The following TP63 variants were observed in gnomAD, a reference collection of about 807,000 sequenced individuals.
TP63 encodes the protein tumor protein 63.
TP63 carries 17 observed loss-of-function variants against 82.8 expected under a neutral mutation model. That is an observed-to-expected ratio of 0.21 (90% CI 0.14 to 0.31). The LOEUF is 0.31. Ranked by LOEUF, TP63 falls within the 10% of genes least tolerant of loss-of-function variation. The probability of loss-of-function intolerance (pLI) is 1.00; values close to 1 mark genes in which losing one functional copy is unlikely to be tolerated. For missense variants in TP63, 648 were observed against 895.3 expected (o/e 0.72, Z 3.52); for synonymous variants, 330 against 321.7 (o/e 1.03, Z -0.28).
the TP63 span, among the ~76,000 whole-genome samples, chr3:189,615,776 G>A: frequency 2.0e-5 from 3 of 152,226 alleles, no homozygotes; most frequent in Admixed American, 6.5e-5. Flanking sequence ...AGATGCCCAC[G>A]CTCCTAAGTC....
At chr3:189,707,117 TA>T (rs1409580322) in intron 1 of TP63, among the ~76,000 whole-genome samples, 8 of 152,262 alleles carry the variant, frequency 5.3e-5, no homozygotes, top group Non-Finnish European at 8.8e-5. Context: ...TGATCATTTT[TA>T]ATAGTACAGT....
At chr3:189,875,623 T>TAC (rs1202284713) in intron 10 of TP63, among the ~76,000 whole-genome samples, 2 of 107,834 alleles carry the variant, frequency 1.9e-5, no homozygotes, top group African/African-American at 3.3e-5. Context: ...TATATATATA[T>TAC]ATATATATAT....
At chr3:189,854,321 C>T (rs1716025854) in intron 4 of TP63, among the ~76,000 whole-genome samples, 1 of 152,188 alleles carries the variant, frequency 6.6e-6, no homozygotes, top group Admixed American at 6.5e-5. Flanking sequence ...ACCCCCGCCT[C>T]CTGAGTTCAA....
At chr3:189,782,012 T>C (rs1388864129) in intron 3 of TP63, among the ~76,000 whole-genome samples, 2 of 152,144 alleles carry the variant, frequency 1.3e-5, no homozygotes, top group African/African-American at 4.8e-5. Flanking sequence ...ACCTGAGGCA[T>C]GGGCAGGGGA....
chr3:189,677,396 G>GTA (rs1385963950), intron 1 of TP63, among the ~76,000 whole-genome samples: 1 of 51,920 alleles, frequency 1.9e-5, no homozygotes, highest in Non-Finnish European at 4.2e-5. Flanking sequence ...ATAAATATGT[G>GTA]TGTATATATA....
At chr3:189,795,036 A>G (rs1362426169) in intron 3 of TP63, among the ~76,000 whole-genome samples, 2 of 152,068 alleles carry the variant, frequency 1.3e-5, no homozygotes, top group East Asian at 1.9e-4. Context: ...TAGCATAATT[A>G]CTAATAGCAC....
chr3:189,603,790 A>G, the TP63 span, among the ~76,000 whole-genome samples: 1 of 151,860 alleles, frequency 6.6e-6, no homozygotes, highest in Non-Finnish European at 1.5e-5. Context: ...AGAAAAGTAT[A>G]TACATCCCTC....
intron 9 of TP63, among the ~76,000 whole-genome samples, chr3:189,872,426 C>CACACACAT (rs1417110888): frequency 6.6e-6 from 1 of 150,718 alleles, no homozygotes; most frequent in Non-Finnish European, 1.5e-5. Context: ...CACACACACA[C>CACACACAT]ACACACATAT....
At chr3:189,633,612 A>G (rs1157806553) in intron 1 of TP63, among the ~76,000 whole-genome samples, 1 of 152,008 alleles carries the variant, frequency 6.6e-6, no homozygotes, top group Non-Finnish European at 1.5e-5. Flanking sequence ...AAATTTTCCT[A>G]GAATGCCCTG....
chr3:189,669,616 T>C (rs1022060447), intron 1 of TP63, among the ~76,000 whole-genome samples: 3 of 151,902 alleles, frequency 2.0e-5, no homozygotes, highest in South Asian at 4.1e-4. Flanking sequence ...ACAAGGAAAA[T>C]AGAACTATAC....
intron 4 of TP63, among the ~76,000 whole-genome samples, chr3:189,810,182 G>A (rs1727376476): frequency 6.6e-6 from 1 of 152,110 alleles, no homozygotes; most frequent in African/African-American, 2.4e-5. Context: ...TAATTCTGGA[G>A]GCGATGGATA....
rs907065064 is a variant in TP63, at chr3:189,651,642, C to G, written c.62+20065C>G. Among the ~76,000 whole-genome samples the G allele has an allele frequency of 5.5e-5, 8 of 145,856 alleles. 2 individuals are homozygous for G. In the East Asian group the frequency reaches 1.9e-3, roughly 35 times the overall value. ...AGAAATTTGCATAAGTAACGAGGAGCCGAATGTTAATCACTGAAACAATGG... is the reference window on the plus strand; with the variant it reads ...AGAAATTTGCATAAGTAACGAGGAGGCGAATGTTAATCACTGAAACAATGG... On this transcript the variant is annotated intron_variant, in intron 1 of 13. Coordinates refer to ENST00000264731, the MANE Select transcript of TP63 (RefSeq NM_003722.5).
the TP63 span, among the ~76,000 whole-genome samples, chr3:189,621,833 G>T: frequency 2.6e-5 from 4 of 152,176 alleles, no homozygotes; most frequent in Non-Finnish European, 5.9e-5. Context: ...AACTGAAGAA[G>T]AATTCAGATG....
Position 189,896,029 on chromosome 3 carries a change from G to A in TP63, c.*1527G>A, listed in dbSNP as rs1721441000. ...GTTGCTTAAACCACTTAAACGAAGA[G>A]TTCCCTTGAAACTTTGGGAAAACAT... On this transcript the variant is annotated 3_prime_UTR_variant, in exon 14 of 14. Coordinates refer to ENST00000264731, the MANE Select transcript of TP63 (RefSeq NM_003722.5). 1 of 228,888 alleles carries A rather than the reference G, an allele frequency of 4.4e-6. No individual in the cohort carries two copies. 14.2% of individuals were successfully genotyped at this position (228,888 alleles called of 1,614,324 possible).
chr3:189,739,565 G>C (rs79659066), intron 3 of TP63, among the ~76,000 whole-genome samples: 13,770 of 152,144 alleles, frequency 0.091, 738 homozygotes, highest in East Asian at 0.22. Context: ...GAATAAGAGG[G>C]AGGAAAAAAA....
chr3:189,766,293 G>T (rs1322423523), intron 3 of TP63, among the ~76,000 whole-genome samples: 1 of 152,202 alleles, frequency 6.6e-6, no homozygotes, highest in Non-Finnish European at 1.5e-5. Context: ...CTGTAGCGTG[G>T]AATCTAAAGA....
upstream of TP63, among the ~76,000 whole-genome samples, chr3:189,628,051 C>G (rs563450722): frequency 5.9e-5 from 9 of 152,222 alleles, no homozygotes; most frequent in East Asian, 1.5e-3. Flanking sequence ...ATTAGAATAG[C>G]AAGCCTGCCC....
chr3:189,687,999 G>GA (rs5855270), intron 1 of TP63, among the ~76,000 whole-genome samples: 6,870 of 140,364 alleles, frequency 0.049, 192 homozygotes, highest in Non-Finnish European at 0.057. Context: ...TGATCTGAAA[G>GA]AAAAAAAAAA....
At chr3:189,631,271 A>T (rs1407986765), upstream of TP63, 2 of 1,306,484 alleles carry the variant, frequency 1.5e-6, no homozygotes, top group Non-Finnish European at 2.0e-6. Flanking sequence ...GAGGATGCCC[A>T]GCTGGTAAGA....
Sources: gnomAD v4.1 joint callset for allele counts (sites outside exome capture counted in the v4.1 genomes callset) on GRCh38, gnomAD v4.1.1 for gene constraint, MANE v1.5 for transcripts, NCBI Gene and HGNC (gene_info 2026-07-23, HGNC 2026-07-21) for gene names.